Variants in NBEA observed in about 807,000 individuals in gnomAD.
NBEA encodes the protein neurobeachin.
NBEA carries 44 observed loss-of-function variants against 343.4 expected under a neutral mutation model. That is an observed-to-expected ratio of 0.13 (90% CI 0.10 to 0.16). NBEA has a LOEUF of 0.16. Among genes scored for constraint, NBEA ranks in the 10% least tolerant of loss-of-function variants. The pLI, the probability that NBEA is intolerant of heterozygous loss-of-function variation, is 1.00. For missense variants in NBEA, 2,555 were observed against 3,631.3 expected (o/e 0.70, Z 7.62); for synonymous variants, 1,175 against 1,238.7 (o/e 0.95, Z 1.08).
intron 18 of NBEA, among the ~76,000 whole-genome samples, chr13:35,147,860 T>A (rs540173998): frequency 6.6e-6 from 1 of 152,304 alleles, no homozygotes; most frequent in South Asian, 2.1e-4. Flanking sequence ...TGAAGGCCTG[T>A]ACATACAATA....
intron 22 of NBEA, among the ~76,000 whole-genome samples, chr13:35,161,392 C>T (rs1394028813): frequency 6.6e-6 from 1 of 152,086 alleles, no homozygotes; most frequent in African/African-American, 2.4e-5. Context: ...GACATATATC[C>T]AGTATACTTC....
At chr13:35,610,945 T>G (rs1316452114) in intron 48 of NBEA, among the ~76,000 whole-genome samples, 1 of 151,764 alleles carries the variant, frequency 6.6e-6, no homozygotes, top group Non-Finnish European at 1.5e-5. Context: ...CATGAAAAGA[T>G]GCCTCATATC....
At chr13:35,474,552 A>G (rs1472920171) in intron 41 of NBEA, 1 of 153,010 alleles carries the variant, frequency 6.5e-6, no homozygotes, top group Non-Finnish European at 1.5e-5. Flanking sequence ...CAGAATGGCA[A>G]TTTAAGTTCT....
chr13:35,624,932 T>G (rs564835239), intron 48 of NBEA, among the ~76,000 whole-genome samples: 5 of 152,210 alleles, frequency 3.3e-5, no homozygotes, highest in African/African-American at 1.2e-4. Flanking sequence ...TCGTTTCAAA[T>G]ATATATTTAC....
chr13:35,223,999 C>T (rs931147492), intron 33 of NBEA, among the ~76,000 whole-genome samples: 4 of 152,166 alleles, frequency 2.6e-5, no homozygotes, highest in Non-Finnish European at 5.9e-5. Context: ...TGCCTGCTGT[C>T]AGAGGCTTCC....
At chr13:35,203,428 C>T (rs1566452581) in intron 31 of NBEA, among the ~76,000 whole-genome samples, 1 of 152,132 alleles carries the variant, frequency 6.6e-6, no homozygotes, top group East Asian at 1.9e-4. Flanking sequence ...GCCGCCCTTT[C>T]AACATTATTC....
intron 34 of NBEA, among the ~76,000 whole-genome samples, chr13:35,280,185 C>T (rs2034953256): frequency 6.6e-6 from 1 of 152,012 alleles, no homozygotes; most frequent in Non-Finnish European, 1.5e-5. Flanking sequence ...TCTGATTAAA[C>T]ATATATTTTA....
chr13:34,964,112 T>G (rs369039487), intron 1 of NBEA, among the ~76,000 whole-genome samples: 3 of 152,122 alleles, frequency 2.0e-5, no homozygotes, highest in East Asian at 1.9e-4. Context: ...TTTTTAGAAT[T>G]CTTAGGAATT....
chr13:35,198,872 G>A (rs1451538133), intron 31 of NBEA, among the ~76,000 whole-genome samples: 1 of 151,962 alleles, frequency 6.6e-6, no homozygotes, highest in Non-Finnish European at 1.5e-5. Flanking sequence ...ATGGGAGGTG[G>A]CAGTTTGAAA....
intron 55 of NBEA, among the ~76,000 whole-genome samples, chr13:35,663,646 T>C (rs1180098728): frequency 2.0e-5 from 3 of 152,226 alleles, no homozygotes; most frequent in Non-Finnish European, 4.4e-5. Context: ...TTAAAGCTTA[T>C]TTTACCAGGA....
intron 11 of NBEA, among the ~76,000 whole-genome samples, chr13:35,099,451 T>C (rs900223925): frequency 1.2e-4 from 19 of 152,208 alleles, no homozygotes; most frequent in African/African-American, 4.6e-4. Flanking sequence ...CTGCCCGCCT[T>C]GGACTCCCAG....
intron 1 of NBEA, among the ~76,000 whole-genome samples, chr13:34,953,170 A>T (rs1188375143): frequency 2.6e-5 from 4 of 152,194 alleles, no homozygotes; most frequent in Non-Finnish European, 5.9e-5. Context: ...CAGTGAAATA[A>T]AGTAATTGTC....
intron 38 of NBEA, among the ~76,000 whole-genome samples, chr13:35,390,096 T>A (rs2042430348): frequency 1.3e-5 from 2 of 151,764 alleles, no homozygotes; most frequent in African/African-American, 2.4e-5. Context: ...ACATTTTGAT[T>A]TTTGAAACTT....
intron 28 of NBEA, among the ~76,000 whole-genome samples, chr13:35,177,900 A>G (rs1430978657): frequency 6.6e-6 from 1 of 151,794 alleles, no homozygotes; most frequent in African/African-American, 2.4e-5. Context: ...ACTTTAGAAC[A>G]TGATTAAAAT....
chr13:35,664,512 G>A (rs1366929190), intron 55 of NBEA, among the ~76,000 whole-genome samples: 2 of 152,162 alleles, frequency 1.3e-5, no homozygotes, highest in Non-Finnish European at 2.9e-5. Context: ...TTTACAAAAG[G>A]CATAACATTC....
chr13:35,406,401 C>T (rs115351389), intron 38 of NBEA, among the ~76,000 whole-genome samples: 1,638 of 151,514 alleles, frequency 0.011, 25 homozygotes, highest in African/African-American at 0.038. Context: ...TTTGGTGTAC[C>T]CATCACCGGA....
chr13:35,131,903 C>T (rs553673993), intron 17 of NBEA, among the ~76,000 whole-genome samples: 5 of 152,196 alleles, frequency 3.3e-5, no homozygotes, highest in South Asian at 2.1e-4. Context: ...AAGTAAAGAA[C>T]GTAACTAATC....
intron 12 of NBEA, among the ~76,000 whole-genome samples, 182 bp downstream of exon 12, chr13:35,109,624 AATAGGTAAAAAAGAATCTTTGT>A (rs1260113683): frequency 6.6e-6 from 1 of 152,134 alleles, no homozygotes; most frequent in East Asian, 1.9e-4. Context: ...TAAATGAAAC[AATAGGTAAAAAAGAATCTTTGT>A]GTAACACTGC....
chr13:35,151,543 CAAA>C (rs35047334), intron 18 of NBEA, among the ~76,000 whole-genome samples: 4 of 94,210 alleles, frequency 4.2e-5, no homozygotes, highest in Non-Finnish European at 4.3e-5. Flanking sequence ...AACTCTGTCT[CAAA>C]AAAAAAAAAA....
Sources: allele counts gnomAD v4.1 joint callset (sites outside exome capture counted in the v4.1 genomes callset), GRCh38; gene constraint gnomAD v4.1.1; transcripts MANE v1.5; gene names NCBI Gene and HGNC (gene_info 2026-07-23, HGNC 2026-07-21).